The following NOMO3 variants were observed in gnomAD, a reference collection of about 807,000 sequenced individuals.
NOMO3 encodes BOS complex subunit NOMO3.
Under a neutral mutation model 69.9 loss-of-function variants are expected in NOMO3, and 15 were observed. That is an observed-to-expected ratio of 0.21 (90% CI 0.14 to 0.33). The LOEUF is 0.33. Ranked by LOEUF, NOMO3 falls within the 10% of genes least tolerant of loss-of-function variation. The pLI, the probability that NOMO3 is intolerant of heterozygous loss-of-function variation, is 1.00. For missense variants in NOMO3, 218 were observed against 761.0 expected (o/e 0.29, Z 8.39); for synonymous variants, 89 against 301.9 (o/e 0.29, Z 7.31).
intron 1 of NOMO3, among the ~76,000 whole-genome samples, chr16:16,235,482 A>C (rs549606805): frequency 3.7e-4 from 55 of 148,740 alleles, no homozygotes; most frequent in Non-Finnish European, 6.9e-4. Flanking sequence ...GAGATATTAA[A>C]TAGTGATACA....
chr16:16,239,009 C>G (rs1275682097), intron 2 of NOMO3, among the ~76,000 whole-genome samples: 2 of 137,738 alleles, frequency 1.5e-5, no homozygotes, highest in Admixed American at 1.4e-4. Flanking sequence ...ACCCAGGAGA[C>G]GGAGGTTGCA....
chr16:16,265,666 A>ATTTTTTT (rs1949437355), intron 15 of NOMO3, among the ~76,000 whole-genome samples: 1 of 32,644 alleles, frequency 3.1e-5, no homozygotes, highest in Non-Finnish European at 5.0e-5. Context: ...ATATATATAT[A>ATTTTTTT]TATATTTTTT....
chr16:16,260,351 C>T (rs2049552766), intron 11 of NOMO3, among the ~76,000 whole-genome samples: 1 of 140,650 alleles, frequency 7.1e-6, no homozygotes, highest in Non-Finnish European at 1.5e-5. Flanking sequence ...TAACTTTAAC[C>T]ACTTAAGAGT....
chr16:16,266,627 C>A, intron 15 of NOMO3: 2 of 391,510 alleles, frequency 5.1e-6, no homozygotes, highest in Non-Finnish European at 9.4e-6. Context: ...AGAGATGTGC[C>A]CTGGGACCAG....
intron 11 of NOMO3, among the ~76,000 whole-genome samples, chr16:16,257,556 C>T (rs1443202048): frequency 2.9e-5 from 4 of 138,202 alleles, no homozygotes; most frequent in African/African-American, 6.2e-5. Flanking sequence ...AAGATTTGGC[C>T]GCAGGTGGCA....
At chr16:16,261,219 T>C (rs1188137743) in intron 11 of NOMO3, 2 of 443,094 alleles carry the variant, frequency 4.5e-6, no homozygotes, top group Admixed American at 8.0e-5. Context: ...GCCTCTGCAG[T>C]GGGGGATTGC....
chr16:16,265,543 A>G (rs1350689449), intron 15 of NOMO3, among the ~76,000 whole-genome samples: 2 of 129,770 alleles, frequency 1.5e-5, no homozygotes, highest in Non-Finnish European at 3.1e-5. Context: ...CTTAATACCT[A>G]CTTCTCAGGG....
intron 14 of NOMO3, among the ~76,000 whole-genome samples, 174 bp from the exon 15 acceptor site, chr16:16,264,852 GTTTTCTTTAGCAGTAAT>G (rs1194447298): frequency 7.4e-6 from 1 of 134,584 alleles, no homozygotes; most frequent in Non-Finnish European, 1.6e-5. Context: ...TCGACTCCAG[GTTTTCTTTAGCAGTAAT>G]TTATTCCAAA....
chr16:16,244,051 T>A (rs913440724), intron 4 of NOMO3, among the ~76,000 whole-genome samples: 2 of 143,414 alleles, frequency 1.4e-5, no homozygotes, highest in African/African-American at 2.8e-5. Flanking sequence ...TCCTAACGGG[T>A]GTGTGCCCAG....
intron 16 of NOMO3, among the ~76,000 whole-genome samples, chr16:16,269,206 C>A (rs1294028370): frequency 1.7e-4 from 24 of 142,552 alleles, no homozygotes; most frequent in Non-Finnish European, 2.8e-4. Context: ...CACTCTTGCT[C>A]TCAGCACTCA....
intron 15 of NOMO3, chr16:16,266,450 A>C (rs1185665087): frequency 1.7e-5 from 2 of 114,980 alleles, no homozygotes; most frequent in African/African-American, 6.2e-5. Context: ...CTGTCCCCTC[A>C]CTCGCCGGGC....
Position 16,243,440 on chromosome 16 carries a change from T to C in NOMO3, c.402+179T>C, listed in dbSNP as rs1410071714. Among the ~76,000 whole-genome samples the C allele has an allele frequency of 2.1e-5, 3 of 143,670 alleles. 1 individual carries two copies. The highest frequency in any genetic ancestry group is 8.5e-5 in the African/African-American group (3 of 35,330). The allele number at this position is 143,670 out of a possible 152,430, so 94.3% of individuals were successfully genotyped here. A position where few individuals can be genotyped will look rare whatever the true frequency, so the allele number is the denominator to read the frequency against. ...ATCCGTGTAGAACACAGCAGGTGTATTTAGGAATGAGATTGAGGTTGCTGG... is the reference window on the plus strand; with the variant it reads ...ATCCGTGTAGAACACAGCAGGTGTACTTAGGAATGAGATTGAGGTTGCTGG... On this transcript the variant is annotated intron_variant, in intron 4 of 30. Coordinates refer to ENST00000399336, the MANE Select transcript of NOMO3 (RefSeq NM_001004067.4).
rs1368213912 is a variant in NOMO3, at chr16:16,258,562, C to T, written c.1220+2404C>T. Among the ~76,000 whole-genome samples the T allele has an allele frequency of 2.9e-5, 4 of 138,824 alleles. 1 individual carries two copies. Among genetic ancestry groups the T allele is most frequent in the East Asian group, 4.9e-4 (2 of 4,082 alleles). 91.1% of individuals were successfully genotyped at this position (138,824 alleles called of 152,430 possible). ...TTTGCTCCCTAATGCAGTGGAAACC[C>T]GTTAGGAGTTGTCTGTTGGTTGGCC... is the stretch of plus-strand genomic sequence containing the variant. On this transcript the variant is annotated intron_variant, in intron 11 of 30. Coordinates refer to ENST00000399336, the MANE Select transcript of NOMO3 (RefSeq NM_001004067.4).
At chr16:16,255,944 T>C in intron 10 of NOMO3, 64 bp from the exon 11 acceptor site, 1 of 1,555,488 alleles carries the variant, frequency 6.4e-7, no homozygotes. Flanking sequence ...AGTATTCTGG[T>C]GTACATGTAA....
In NOMO3 at chr16:16,239,970, G is replaced by A; in HGVS notation, c.301+74G>A. 2 of 497,224 alleles carry A rather than the reference G, an allele frequency of 4.0e-6. 1 individual carries two copies. Among genetic ancestry groups the A allele is most frequent in the South Asian group, 5.0e-5 (2 of 40,204 alleles). The allele number at this position is 497,224 out of a possible 1,614,324, so 30.8% of individuals were successfully genotyped here. On this transcript the variant is annotated intron_variant, in intron 3 of 30. Transcript: ENST00000399336. ...TGCCGAATATTAATTTAGGCTAGCA[G>A]AGTGCATAAACTATTAAAATATTAA...
chr16:16,265,676 T>G (rs1200458135), intron 15 of NOMO3, among the ~76,000 whole-genome samples: 2 of 28,554 alleles, frequency 7.0e-5, no homozygotes, highest in African/African-American at 3.9e-4. Flanking sequence ...ATATATTTTT[T>G]TTTTTTTTTT....
chr16:16,270,296 G>A lies in NOMO3; in HGVS notation c.1958+112G>A, dbSNP rs954726897. On this transcript the variant is annotated intron_variant, in intron 17 of 30. Coordinates refer to ENST00000399336, the MANE Select transcript of NOMO3 (RefSeq NM_001004067.4). ...TCTGTTTTTTTTCTGAAAGAGGCAAGGTTAGGCCTTCAACAGCATTTCTAG... is the reference window on the plus strand; with the variant it reads ...TCTGTTTTTTTTCTGAAAGAGGCAAAGTTAGGCCTTCAACAGCATTTCTAG... 1.4e-5 allele frequency: 22 copies of A among 1,563,850 alleles called. 2 individuals are homozygous for A. The highest frequency in any genetic ancestry group is 1.9e-5 in the Non-Finnish European group (22 of 1,165,236).
rs753073532 is a variant in NOMO3, at chr16:16,256,102, G to A, written c.1164G>A (p.Thr388=). The stretch of plus-strand genomic sequence containing the variant: ...AGAAAGAGCACCTCTACTTTGAAAC[G>A]GTCACCATCAAAATTGCACCAAACA... The part of the protein sequence containing the change: ...HAQKEHLYFE[T]VTIKIAPNTP... Residue 388 remains threonine (T), a synonymous_variant, in exon 11 of 31, where the codon ACG becomes ACA. Transcript: ENST00000399336. The A allele has an allele frequency of 1.9e-5, 30 of 1,586,096 alleles. 2 individuals carry two copies. In the Admixed American group the frequency reaches 3.2e-4, roughly 17 times the overall value.
chr16:16,243,831 G>A (rs1164633201), intron 4 of NOMO3, among the ~76,000 whole-genome samples: 2 of 142,134 alleles, frequency 1.4e-5, no homozygotes, highest in Admixed American at 6.9e-5. Context: ...GCCGCTGTTA[G>A]CGTTTATGTC....
Sources: gnomAD v4.1 joint callset for allele counts (sites outside exome capture counted in the v4.1 genomes callset) on GRCh38, gnomAD v4.1.1 for gene constraint, MANE v1.5 for transcripts, NCBI Gene and HGNC (gene_info 2026-07-23, HGNC 2026-07-21) for gene names.